Variants in SEMA3D observed in about 807,000 individuals in gnomAD.
SEMA3D encodes the protein semaphorin 3D.
SEMA3D carries 84 observed loss-of-function variants against 100.1 expected under a neutral mutation model. That is an observed-to-expected ratio of 0.84 (90% CI 0.70 to 1.01). The LOEUF is 1.01. Among genes scored for constraint, SEMA3D ranks in the 50% least tolerant of loss-of-function variants. The pLI, the probability that SEMA3D is intolerant of heterozygous loss-of-function variation, is 0.00. For synonymous variants in SEMA3D, 312 were observed against 320.7 expected, an observed-to-expected ratio of 0.97 and a Z score of 0.29; for missense variants, 875 against 934.1, an observed-to-expected ratio of 0.94 and a Z score of 0.82.
In SEMA3D at chr7:85,164,798, C is replaced by T. The variant is rs1790851046; in HGVS notation, c.-172-11059G>A. ...TAAATATTGATTTTAGAACTTAGAA[C>T]CTGTATAAAACTCAACTCCATTGTA... On this transcript the variant is annotated intron_variant, in intron 1 of 18. Transcript: ENST00000284136. 2.0e-5 allele frequency among the ~76,000 whole-genome samples: 3 copies of T among 152,160 alleles called. No homozygotes were observed. The East Asian group carries it at 5.8e-4, about 29-fold the overall frequency.
intron 2 of SEMA3D, among the ~76,000 whole-genome samples, chr7:85,123,630 T>C (rs2116410285): frequency 6.6e-6 from 1 of 152,218 alleles, no homozygotes; most frequent in South Asian, 2.1e-4. Flanking sequence ...CATTTAAGGA[T>C]AGACTTCAAA....
the SEMA3D span, among the ~76,000 whole-genome samples, chr7:85,224,513 A>C: frequency 6.6e-6 from 1 of 151,800 alleles, no homozygotes; most frequent in East Asian, 1.9e-4. Flanking sequence ...CTTTGTAGGT[A>C]AAAAAAGTGA....
chr7:85,094,804 G>T (rs1048307426), intron 4 of SEMA3D, among the ~76,000 whole-genome samples: 2 of 151,912 alleles, frequency 1.3e-5, no homozygotes, highest in African/African-American at 4.8e-5. Flanking sequence ...CCGAAGAGAG[G>T]CCTTACGGAC....
At chr7:85,096,183 C>G (rs534135897) in intron 4 of SEMA3D, among the ~76,000 whole-genome samples, 1 of 151,840 alleles carries the variant, frequency 6.6e-6, no homozygotes, top group African/African-American at 2.4e-5. Context: ...AACACGTCAT[C>G]CCCTGCTAAG....
chr7:85,085,691 T>C (rs1788195160), intron 4 of SEMA3D, among the ~76,000 whole-genome samples: 1 of 152,184 alleles, frequency 6.6e-6, no homozygotes, highest in Non-Finnish European at 1.5e-5. Context: ...GAGCGCTTAC[T>C]GGCAGTCTCT....
chr7:85,195,962 A>G, the SEMA3D span, among the ~76,000 whole-genome samples: 12 of 152,306 alleles, frequency 7.9e-5, no homozygotes, highest in Admixed American at 1.3e-4. Context: ...TACACAAAGC[A>G]TGATGAGTCC....
intron 8 of SEMA3D, among the ~76,000 whole-genome samples, chr7:85,065,174 T>G (rs755465271): frequency 3.1e-4 from 47 of 152,218 alleles, no homozygotes; most frequent in Non-Finnish European, 5.3e-4. Flanking sequence ...GATGTCATTG[T>G]GAATATTTAA....
At chr7:85,054,963 G>A (rs1791266570) in intron 9 of SEMA3D, among the ~76,000 whole-genome samples, 1 of 152,064 alleles carries the variant, frequency 6.6e-6, no homozygotes, top group South Asian at 2.1e-4. Context: ...CAAAATGGAA[G>A]CCTCTCATAG....
chr7:85,020,375 T>C, intron 13 of SEMA3D, 54 bp from the exon 14 acceptor site: 2 of 1,279,368 alleles, frequency 1.6e-6, no homozygotes, highest in South Asian at 2.4e-5. Flanking sequence ...AAATTAGTGG[T>C]AAGCATATCC....
chr7:85,247,056 G>A, the SEMA3D span, among the ~76,000 whole-genome samples: 1 of 152,078 alleles, frequency 6.6e-6, no homozygotes, highest in Admixed American at 6.5e-5. Context: ...TGGCCTCTGG[G>A]AATAAATGTA....
In SEMA3D at chr7:85,115,901, A is replaced by T. The variant is rs182967723; in HGVS notation, c.151+5840T>A. The stretch of plus-strand genomic sequence containing the variant: ...AATAGTATAAGAAACTACCAAAAAA[A>T]TTTTCCAACTTAACTCTTGCATTAG... On this transcript the variant is annotated intron_variant, in intron 3 of 18. Transcript: ENST00000284136. Among the ~76,000 whole-genome samples, 569 of 152,238 alleles carry T rather than the reference A, an allele frequency of 3.7e-3. 4 individuals carry two copies. Among genetic ancestry groups the T allele is most frequent in the African/African-American group, 0.013 (557 of 41,538 alleles).
chr7:85,102,285 A>G (rs1788771833), intron 3 of SEMA3D, among the ~76,000 whole-genome samples: 1 of 152,004 alleles, frequency 6.6e-6, no homozygotes, highest in South Asian at 2.1e-4. Flanking sequence ...ACAGGAACAC[A>G]TGTTACTCCA....
At chr7:85,125,040 A>G (rs1161045990) in intron 2 of SEMA3D, among the ~76,000 whole-genome samples, 1 of 152,124 alleles carries the variant, frequency 6.6e-6, no homozygotes, top group Non-Finnish European at 1.5e-5. Context: ...GCTGTGGCAT[A>G]CAAACATGTA....
intron 1 of SEMA3D, among the ~76,000 whole-genome samples, chr7:85,162,607 A>G (rs1583980548): frequency 6.6e-6 from 1 of 152,166 alleles, no homozygotes; most frequent in Non-Finnish European, 1.5e-5. Context: ...CATTTAGAAC[A>G]AAAGGACACT....
At chr7:85,149,679 C>T (rs115088034) in intron 2 of SEMA3D, among the ~76,000 whole-genome samples, 5 of 152,064 alleles carry the variant, frequency 3.3e-5, no homozygotes, top group African/African-American at 1.2e-4. Context: ...TTATAGTAGA[C>T]TTACAGTGCT....
At chr7:85,045,343 T>C (rs1020665700) in intron 9 of SEMA3D, among the ~76,000 whole-genome samples, 15 of 152,122 alleles carry the variant, frequency 9.9e-5, no homozygotes, top group African/African-American at 3.6e-4. Context: ...CTGTATGTTA[T>C]TAAGTGCACA....
intron 17 of SEMA3D, among the ~76,000 whole-genome samples, chr7:85,007,158 C>A (rs1789821304): frequency 6.6e-6 from 1 of 151,718 alleles, no homozygotes; most frequent in Non-Finnish European, 1.5e-5. Context: ...ATTCTTTCAT[C>A]AATATATTAG....
chr7:85,210,706 T>C, the SEMA3D span, among the ~76,000 whole-genome samples: 1 of 152,004 alleles, frequency 6.6e-6, no homozygotes, highest in Non-Finnish European at 1.5e-5. Context: ...TGGAAACTGG[T>C]TTATCTATTG....
chr7:85,106,359 TCTTAA>T (rs746372983), intron 3 of SEMA3D, among the ~76,000 whole-genome samples: 61 of 152,146 alleles, frequency 4.0e-4, no homozygotes, highest in Middle Eastern at 6.8e-3. Flanking sequence ...CATCGGAAGG[TCTTAA>T]CTTAATACAA....
Sources: allele counts gnomAD v4.1 joint callset (sites outside exome capture counted in the v4.1 genomes callset), GRCh38; gene constraint gnomAD v4.1.1; transcripts MANE v1.5; gene names NCBI Gene and HGNC (gene_info 2026-07-23, HGNC 2026-07-21).